ADAMTSL1: variants seen among roughly 807,000 people sequenced by gnomAD.
ADAMTSL1 encodes ADAMTS-like protein 1.
A neutral mutation model predicts 201.8 loss-of-function variants in ADAMTSL1; 126 were observed. The ratio of observed to expected loss-of-function variants is 0.62; its 90% CI spans 0.54 to 0.72. The LOEUF (loss-of-function observed/expected upper bound fraction) is 0.72. ADAMTSL1 is among the 30% of genes least tolerant of loss of function. The pLI is 0.00. For synonymous variants in ADAMTSL1, 1,121 were observed against 903.4 expected, an observed-to-expected ratio of 1.24 and a Z score of -4.32; for missense variants, 2,679 against 2,277.8, an observed-to-expected ratio of 1.18 and a Z score of -3.59.
chr9:18,647,752 C>T (rs1456702407), intron 7 of ADAMTSL1, among the ~76,000 whole-genome samples: 13 of 151,782 alleles, frequency 8.6e-5, no homozygotes, highest in East Asian at 1.9e-4. Flanking sequence ...GTCTGAGAGA[C>T]AGTTTGTTAT....
intron 1 of ADAMTSL1, among the ~76,000 whole-genome samples, chr9:18,116,840 C>G (rs1245511791): frequency 6.6e-6 from 1 of 152,164 alleles, no homozygotes; most frequent in African/African-American, 2.4e-5. Flanking sequence ...AGCATTAGGT[C>G]TGTCCTCAGA....
chr9:18,499,624 A>G (rs898552800), intron 1 of ADAMTSL1, among the ~76,000 whole-genome samples: 1 of 152,220 alleles, frequency 6.6e-6, no homozygotes, highest in African/African-American at 2.4e-5. Context: ...AGTGTGTGAC[A>G]TCCATTTGAT....
chr9:18,792,220 C>T (rs1822106447), intron 19 of ADAMTSL1, among the ~76,000 whole-genome samples: 1 of 152,096 alleles, frequency 6.6e-6, no homozygotes, highest in South Asian at 2.1e-4. Flanking sequence ...GAGTGTGCAG[C>T]ATTACCAAGA....
Position 18,523,538 on chromosome 9 carries a change from T to A in ADAMTSL1, c.192-9709T>A, listed in dbSNP as rs34798328. ...GCCCATGCCTATGTCCTGAATGGTA[T>A]TGCCTAGGTTTTCTTCTAGGGTTTT... is the stretch of plus-strand genomic sequence containing the variant. On this transcript the variant is annotated intron_variant, in intron 2 of 28. Transcript: ENST00000380548. 6.6e-5 allele frequency among the ~76,000 whole-genome samples: 10 copies of A among 152,254 alleles called. No individual in the cohort carries two copies. The East Asian group carries it at 9.7e-4, about 15-fold the overall frequency.
intron 2 of ADAMTSL1, among the ~76,000 whole-genome samples, chr9:18,213,389 C>T (rs1829951592): frequency 6.6e-6 from 1 of 152,112 alleles, no homozygotes; most frequent in Admixed American, 6.6e-5. Flanking sequence ...ACACTGTGTT[C>T]CTGGGTGAGA....
intron 15 of ADAMTSL1, among the ~76,000 whole-genome samples, chr9:18,742,490 T>C (rs1018613052): frequency 8.5e-5 from 13 of 152,206 alleles, no homozygotes; most frequent in African/African-American, 3.1e-4. Context: ...AATAGCTGTG[T>C]AGTAAGTATT....
intron 2 of ADAMTSL1, among the ~76,000 whole-genome samples, chr9:18,305,513 TG>T (rs1833874839): frequency 6.6e-6 from 1 of 152,100 alleles, no homozygotes; most frequent in Non-Finnish European, 1.5e-5. Flanking sequence ...TGCTCAAGCT[TG>T]GTGGGGGGAG....
intron 2 of ADAMTSL1, among the ~76,000 whole-genome samples, chr9:18,310,383 A>AC: frequency 6.9e-6 from 1 of 145,250 alleles, no homozygotes; most frequent in South Asian, 2.2e-4. Flanking sequence ...AAAAAAAAAA[A>AC]AAAAAAAAAA....
chr9:18,034,219 A>G (rs959387398), intron 1 of ADAMTSL1, among the ~76,000 whole-genome samples: 23 of 152,274 alleles, frequency 1.5e-4, no homozygotes, highest in African/African-American at 4.3e-4. Context: ...ACAACCTTCT[A>G]TAGAAGCTAG....
At chr9:18,877,741 T>A (rs555800078) in intron 23 of ADAMTSL1, among the ~76,000 whole-genome samples, 2 of 152,246 alleles carry the variant, frequency 1.3e-5, no homozygotes, top group East Asian at 3.9e-4. Context: ...TCAAGGATCA[T>A]CAGGTGTGGT....
intron 1 of ADAMTSL1, among the ~76,000 whole-genome samples, chr9:17,933,802 C>T (rs1265629115): frequency 2.0e-5 from 3 of 152,236 alleles, no homozygotes; most frequent in South Asian, 2.1e-4. Flanking sequence ...GAGAAATCCA[C>T]CCTCATGATC....
At chr9:18,637,789 G>A (rs927294261) in intron 6 of ADAMTSL1, among the ~76,000 whole-genome samples, 4 of 151,988 alleles carry the variant, frequency 2.6e-5, no homozygotes, top group Non-Finnish European at 5.9e-5. Flanking sequence ...AAATATTTTG[G>A]ACCAAACCAG....
chr9:18,318,768 A>G (rs568664177), intron 2 of ADAMTSL1, among the ~76,000 whole-genome samples: 47 of 151,790 alleles, frequency 3.1e-4, no homozygotes, highest in African/African-American at 1.1e-3. Flanking sequence ...TTTGGCAGTG[A>G]TTCAGATTCA....
At chr9:18,286,613 T>C (rs182201596) in intron 2 of ADAMTSL1, among the ~76,000 whole-genome samples, 1 of 55,114 alleles carries the variant, frequency 1.8e-5, no homozygotes, top group Non-Finnish European at 5.0e-5. Context: ...TCCAGAAATA[T>C]TGGAAAGTAA....
intron 1 of ADAMTSL1, among the ~76,000 whole-genome samples, chr9:17,949,071 A>G (rs1827626887): frequency 6.6e-6 from 1 of 152,216 alleles, no homozygotes; most frequent in Non-Finnish European, 1.5e-5. Context: ...GAAAACCCTA[A>G]GTATAGAATG....
At chr9:18,646,614 TG>T (rs1307898427) in intron 7 of ADAMTSL1, among the ~76,000 whole-genome samples, 1 of 147,584 alleles carries the variant, frequency 6.8e-6, no homozygotes, top group Non-Finnish European at 1.5e-5. Flanking sequence ...TGTTGAATTT[TG>T]TCAAAGGCCT....
chr9:18,302,608 C>G (rs1168843559), intron 2 of ADAMTSL1, among the ~76,000 whole-genome samples: 1 of 152,164 alleles, frequency 6.6e-6, no homozygotes, highest in Non-Finnish European at 1.5e-5. Context: ...TAAATACACA[C>G]TGGTTGATTT....
In ADAMTSL1 at chr9:17,969,555, C is replaced by T. The variant is rs191527583; in HGVS notation, c.87+62633C>T. On this transcript the variant is annotated intron_variant, in intron 1 of 29. Coordinates refer to the ADAMTSL1 transcript ENST00000680146. ...TTCCTTTACACATCTTACCTTTTTT[C>T]CATAACTAAGAAAATGATCACGAGC... Among the ~76,000 whole-genome samples, 109 of 152,040 alleles carry T rather than the reference C, an allele frequency of 7.2e-4. 1 individual carries two copies. Among genetic ancestry groups the T allele is most frequent in the Non-Finnish European group, 1.2e-3 (83 of 67,960 alleles).
chr9:18,733,960 A>T (rs1001340970), intron 15 of ADAMTSL1, among the ~76,000 whole-genome samples: 4 of 151,896 alleles, frequency 2.6e-5, no homozygotes, highest in Non-Finnish European at 5.9e-5. Context: ...AAACTACCTA[A>T]ACTAATTCAC....
Sources: allele counts gnomAD v4.1 joint callset (sites outside exome capture counted in the v4.1 genomes callset), GRCh38; gene constraint gnomAD v4.1.1; transcripts MANE v1.5; gene names NCBI Gene and HGNC (gene_info 2026-07-23, HGNC 2026-07-21).